CADM2: variants seen among roughly 807,000 people sequenced by gnomAD.
CADM2 encodes the protein cell adhesion molecule 2, also known as immunoglobulin superfamily member 4D.
A neutral mutation model predicts 49.8 loss-of-function variants in CADM2; 12 were observed. That is an observed-to-expected ratio of 0.24 (90% confidence interval 0.15 to 0.39). The LOEUF is 0.39. CADM2 is among the 10% of genes least tolerant of loss of function. The pLI is 1.00. For missense variants in CADM2, 378 were observed against 492.3 expected, an observed-to-expected ratio of 0.77 and a Z score of 2.20; for synonymous variants, 214 against 175.4, an observed-to-expected ratio of 1.22 and a Z score of -1.74.
chr3:85,723,974 GA>G (rs1371064045), intron 1 of CADM2, among the ~76,000 whole-genome samples: 1 of 151,770 alleles, frequency 6.6e-6, no homozygotes, highest in Admixed American at 6.6e-5. Context: ...CTTTGAAATT[GA>G]GACAAACATT....
intron 1 of CADM2, among the ~76,000 whole-genome samples, chr3:85,467,864 C>T (rs1020281251): frequency 6.6e-6 from 1 of 152,158 alleles, no homozygotes; most frequent in Non-Finnish European, 1.5e-5. Flanking sequence ...TTTCATTCGA[C>T]ACTGTTTCTG....
At chr3:86,055,926 A>G (rs1737932302) in intron 8 of CADM2, among the ~76,000 whole-genome samples, 1 of 152,214 alleles carries the variant, frequency 6.6e-6, no homozygotes, top group Non-Finnish European at 1.5e-5. Context: ...GAGATCTCTG[A>G]GCTTAAAAAG....
chr3:85,717,012 G>GT (rs1158395269), intron 1 of CADM2, among the ~76,000 whole-genome samples: 1 of 152,118 alleles, frequency 6.6e-6, no homozygotes, highest in East Asian at 1.9e-4. Flanking sequence ...ATTTAAAGTA[G>GT]TTTTTTATAA....
intron 1 of CADM2, among the ~76,000 whole-genome samples, chr3:85,413,510 G>A (rs1018040478): frequency 6.6e-6 from 1 of 152,150 alleles, no homozygotes; most frequent in African/African-American, 2.4e-5. Context: ...GGTTCTGCAG[G>A]CTGCAGAAGA....
intron 8 of CADM2, among the ~76,000 whole-genome samples, chr3:85,974,099 T>G (rs1726488153): frequency 6.6e-6 from 1 of 151,658 alleles, no homozygotes; most frequent in South Asian, 2.1e-4. Context: ...TACAGTTTAT[T>G]GGGAGAGGGA....
chr3:85,521,186 T>TCTAGGA (rs1276210580), intron 1 of CADM2, among the ~76,000 whole-genome samples: 1 of 152,156 alleles, frequency 6.6e-6, no homozygotes, highest in Non-Finnish European at 1.5e-5. Flanking sequence ...ATAAAGCAGC[T>TCTAGGA]ATTTTAGAAC....
At chr3:86,040,814 T>C (rs148617241) in intron 8 of CADM2, among the ~76,000 whole-genome samples, 1,761 of 152,158 alleles carry the variant, frequency 0.012, 22 homozygotes, top group Non-Finnish European at 0.017. Flanking sequence ...GGAAAAAATG[T>C]TAAGGGCAGC....
intron 8 of CADM2, among the ~76,000 whole-genome samples, chr3:86,040,558 G>T (rs982777755): frequency 6.6e-6 from 1 of 152,112 alleles, no homozygotes; most frequent in Non-Finnish European, 1.5e-5. Flanking sequence ...AACCAACAAA[G>T]CCTCCAAGAA....
intron 1 of CADM2, among the ~76,000 whole-genome samples, chr3:85,326,312 A>G (rs1234202415): frequency 6.6e-6 from 1 of 152,206 alleles, no homozygotes; most frequent in Non-Finnish European, 1.5e-5. Flanking sequence ...ATGACAAGAA[A>G]ATGGTAATTC....
intron 1 of CADM2, among the ~76,000 whole-genome samples, chr3:85,589,200 C>G (rs890534355): frequency 2.0e-5 from 3 of 151,912 alleles, no homozygotes; most frequent in African/African-American, 7.3e-5. Context: ...CATTTTACCA[C>G]TTCACTGTTT....
chr3:85,747,952 T>C (rs1350863264), intron 2 of CADM2, among the ~76,000 whole-genome samples: 1 of 152,092 alleles, frequency 6.6e-6, no homozygotes, highest in Non-Finnish European at 1.5e-5. Context: ...ATTGATACAG[T>C]AAAACTTTTT....
At chr3:85,462,248 A>G (rs1428288123) in intron 1 of CADM2, among the ~76,000 whole-genome samples, 1 of 152,160 alleles carries the variant, frequency 6.6e-6, no homozygotes, top group East Asian at 1.9e-4. Context: ...AAACATTGTT[A>G]CTTCAGCCTA....
chr3:85,911,572 A>G (rs1051851093), intron 5 of CADM2, among the ~76,000 whole-genome samples: 1 of 152,202 alleles, frequency 6.6e-6, no homozygotes, highest in East Asian at 1.9e-4. Flanking sequence ...AAAGATGACA[A>G]CTTTCTCATC....
chr3:85,243,383 G>T lies in CADM2; in HGVS notation c.61+283715G>T, dbSNP rs2042575788. Among the ~76,000 whole-genome samples the T allele has an allele frequency of 2.6e-5, 4 of 151,960 alleles. No homozygotes were observed. The South Asian group carries it at 8.3e-4, about 31-fold the overall frequency. On this transcript the variant is annotated intron_variant, in intron 1 of 9. Transcript: ENST00000383699. ...TCTAGAACTCTCATCAGGAAAGTAA[G>T]AAAATGTGATGTAAGTTATACTGCT... is the stretch of plus-strand genomic sequence containing the variant.
chr3:85,010,890 G>T (rs1576026658), intron 1 of CADM2, among the ~76,000 whole-genome samples: 1 of 74,130 alleles, frequency 1.3e-5, no homozygotes, highest in Non-Finnish European at 2.3e-5. Flanking sequence ...TTGAGATGGA[G>T]TCTTGCTCTG....
chr3:85,898,892 T>C (rs2108442515), intron 5 of CADM2, among the ~76,000 whole-genome samples: 1 of 143,894 alleles, frequency 6.9e-6, no homozygotes, highest in East Asian at 2.0e-4. Flanking sequence ...CTTGCCATTT[T>C]CCAAAATGTT....
intron 1 of CADM2, among the ~76,000 whole-genome samples, chr3:85,228,821 A>C (rs1004397962): frequency 1.3e-5 from 2 of 152,128 alleles, no homozygotes; most frequent in Non-Finnish European, 2.9e-5. Flanking sequence ...TTGAGGAGGC[A>C]GTCTGTCCAT....
chr3:86,005,553 T>TAA (rs1359090473), intron 8 of CADM2, among the ~76,000 whole-genome samples: 1 of 90,818 alleles, frequency 1.1e-5, no homozygotes, highest in East Asian at 3.5e-4. Flanking sequence ...CTCCGTCTCA[T>TAA]ATAAAAAAAA....
At chr3:84,979,805 T>A (rs1237026176) in intron 1 of CADM2, among the ~76,000 whole-genome samples, 1 of 152,162 alleles carries the variant, frequency 6.6e-6, no homozygotes, top group Non-Finnish European at 1.5e-5. Flanking sequence ...GAAATGCTTT[T>A]TTTGATGTCT....
Sources: allele counts gnomAD v4.1 joint callset (sites outside exome capture counted in the v4.1 genomes callset), GRCh38; gene constraint gnomAD v4.1.1; transcripts MANE v1.5; gene names NCBI Gene and HGNC (gene_info 2026-07-23, HGNC 2026-07-21).